The following SYBU variants were observed in gnomAD, a reference collection of about 807,000 sequenced individuals.
The protein encoded by SYBU is GOLSYN A protein.
SYBU carries 21 observed loss-of-function variants against 35.9 expected under a neutral mutation model. The ratio of observed to expected loss-of-function variants is 0.58; its 90% CI spans 0.41 to 0.84. SYBU has a LOEUF of 0.84. Ranked by LOEUF, SYBU falls within the 40% of genes least tolerant of loss-of-function variation. The pLI, the probability that SYBU is intolerant of heterozygous loss-of-function variation, is 0.00. For missense variants in SYBU, 768 were observed against 848.2 expected, an observed-to-expected ratio of 0.91 and a Z score of 1.17; for synonymous variants, 319 against 324.3, an observed-to-expected ratio of 0.98 and a Z score of 0.18.
chr8:109,632,978 T>G (rs1813810005), intron 2 of SYBU, among the ~76,000 whole-genome samples: 1 of 152,200 alleles, frequency 6.6e-6, no homozygotes, highest in Non-Finnish European at 1.5e-5. Flanking sequence ...ACACAATAAG[T>G]ATTCAATAAA....
intron 1 of SYBU, among the ~76,000 whole-genome samples, chr8:109,665,614 A>C (rs142662210): frequency 1.3e-5 from 2 of 152,242 alleles, no homozygotes; most frequent in Non-Finnish European, 2.9e-5. Flanking sequence ...ATTTAAATGA[A>C]TGACCATGAA....
At chr8:109,689,966 T>G (rs1246117874) in intron 1 of SYBU, among the ~76,000 whole-genome samples, 1 of 152,132 alleles carries the variant, frequency 6.6e-6, no homozygotes, top group Non-Finnish European at 1.5e-5. Flanking sequence ...GGACCCATTT[T>G]TTGTTTTTTT....
At chr8:109,590,767 GA>G (rs10691264) in intron 3 of SYBU, among the ~76,000 whole-genome samples, 10,397 of 121,992 alleles carry the variant, frequency 0.085, 459 homozygotes, top group Admixed American at 0.14. Flanking sequence ...CATAAAATTA[GA>G]AAAAAAAAAA....
chr8:109,583,334 G>C (rs571879162), intron 4 of SYBU, among the ~76,000 whole-genome samples: 1 of 152,140 alleles, frequency 6.6e-6, no homozygotes, highest in South Asian at 2.1e-4. Flanking sequence ...CTCAATCCCA[G>C]GTCTGTCTGA....
chr8:109,618,701 C>T (rs1446488607), intron 3 of SYBU, 141 bp downstream of exon 3: 1 of 780,940 alleles, frequency 1.3e-6, no homozygotes, highest in African/African-American at 1.7e-5. Context: ...ACTTTCCACC[C>T]TGCCTCCTTT....
chr8:109,653,249 T>TAAAC (rs111394413), intron 1 of SYBU, among the ~76,000 whole-genome samples: 18,735 of 152,076 alleles, frequency 0.12, 3,227 homozygotes, highest in African/African-American at 0.39. Context: ...CAAAAAAAAT[T>TAAAC]AAAAGGTATA....
intron 3 of SYBU, among the ~76,000 whole-genome samples, chr8:109,605,389 C>T (rs1243982490): frequency 2.0e-5 from 3 of 152,304 alleles, no homozygotes; most frequent in Middle Eastern, 6.8e-3. Context: ...ACATATTCAG[C>T]ATGTATGAAC....
chr8:109,602,536 T>A (rs1825656400), intron 3 of SYBU, among the ~76,000 whole-genome samples: 1 of 150,690 alleles, frequency 6.6e-6, no homozygotes, highest in African/African-American at 2.5e-5. Flanking sequence ...TGGGCTCAGG[T>A]GATCCTTCTG....
intron 2 of SYBU, among the ~76,000 whole-genome samples, chr8:109,636,426 T>C (rs1463681597): frequency 6.6e-6 from 1 of 152,256 alleles, no homozygotes; most frequent in East Asian, 1.9e-4. Context: ...TATTTCAGTG[T>C]CAGGGTTAAG....
chr8:109,644,232 G>T, intron 1 of SYBU: 1 of 479,376 alleles, frequency 2.1e-6, no homozygotes, highest in South Asian at 1.5e-5. Context: ...GGTACCATGC[G>T]CCAGCCACTC....
At chr8:109,579,470 G>C (rs1306793894) in intron 5 of SYBU, among the ~76,000 whole-genome samples, 1 of 152,096 alleles carries the variant, frequency 6.6e-6, no homozygotes, top group African/African-American at 2.4e-5. Flanking sequence ...TGTTGCCCAG[G>C]CTGGAGTTCA....
At position 109,586,137 on chromosome 8, in the gene SYBU, CGAG is replaced by C; in HGVS notation, c.450_452del (p.Ser153del). On this transcript the variant is annotated inframe_deletion, in exon 4 of 7. Coordinates refer to ENST00000276646, the MANE Select transcript of SYBU (RefSeq NM_001099754.2). ...GAGCGGAAATGCTGCCTGTGCTGCTCGAGGAGCTAAAATCAGCTTCACTACCTG... is the reference window on the plus strand; with the variant it reads ...GAGCGGAAATGCTGCCTGTGCTGCTCGAGCTAAAATCAGCTTCACTACCTG... 2 of 1,609,864 alleles carry C rather than the reference CGAG, an allele frequency of 1.2e-6. No individual in the cohort carries two copies. Among genetic ancestry groups the C allele is most frequent in the Non-Finnish European group, 1.7e-6 (2 of 1,178,482 alleles).
chr8:109,690,010 T>C (rs1344610469), intron 1 of SYBU, among the ~76,000 whole-genome samples: 2 of 152,044 alleles, frequency 1.3e-5, no homozygotes, highest in Non-Finnish European at 2.9e-5. Flanking sequence ...ATGCATACAA[T>C]TACTTAGTTT....
At chr8:109,659,902 T>C (rs190063510) in intron 1 of SYBU, among the ~76,000 whole-genome samples, 13 of 152,278 alleles carry the variant, frequency 8.5e-5, no homozygotes, top group African/African-American at 2.9e-4. Context: ...GACCAGATCC[T>C]AAGTAAATTT....
intron 1 of SYBU, among the ~76,000 whole-genome samples, chr8:109,652,594 C>A (rs1053921179): frequency 4.6e-5 from 7 of 152,148 alleles, no homozygotes; most frequent in South Asian, 2.1e-4. Context: ...CAATAGTTGA[C>A]ATTTTAAGAA....
intron 2 of SYBU, among the ~76,000 whole-genome samples, chr8:109,627,172 G>A (rs1472155247): frequency 1.3e-5 from 2 of 152,122 alleles, no homozygotes; most frequent in Non-Finnish European, 1.5e-5. Flanking sequence ...GTTATTGCTA[G>A]TTTAAAGAAA....
chr8:109,690,642 G>A (rs557903412), intron 1 of SYBU, among the ~76,000 whole-genome samples: 4 of 152,048 alleles, frequency 2.6e-5, no homozygotes, highest in African/African-American at 9.7e-5. Context: ...CATTTAAAAA[G>A]CTTTCAGAAT....
intron 1 of SYBU, among the ~76,000 whole-genome samples, chr8:109,690,089 C>A (rs1177938372): frequency 6.6e-6 from 1 of 152,008 alleles, no homozygotes; most frequent in Non-Finnish European, 1.5e-5. Flanking sequence ...TAAATATGTA[C>A]AGATCATTAT....
At position 109,691,349 on chromosome 8, in the gene SYBU, G is replaced by A. The variant is rs779279839; in HGVS notation, c.-74C>T. On this transcript the variant is annotated 5_prime_UTR_variant, in exon 1 of 8. Transcript: ENST00000422135. The surrounding 1 kb of genome is among the most constrained non-coding windows in gnomAD (Gnocchi z 4.7). ...CGGTCTTACCCTTTCTCGCCCAGAAGGGCCCCATCGCGCTGTCCAGGAGGA... is the reference window on the plus strand; with the variant it reads ...CGGTCTTACCCTTTCTCGCCCAGAAAGGCCCCATCGCGCTGTCCAGGAGGA... 28 of 701,796 alleles carry A rather than the reference G, an allele frequency of 4.0e-5. No homozygotes were observed. Among genetic ancestry groups the A allele is most frequent in the Non-Finnish European group, 7.0e-5 (27 of 384,634 alleles). The allele number at this position is 701,796 out of a possible 1,614,324, so 43.5% of individuals were successfully genotyped here.
Sources: allele counts gnomAD v4.1 joint callset (sites outside exome capture counted in the v4.1 genomes callset), GRCh38; gene constraint gnomAD v4.1.1; non-coding constraint Gnocchi (gnomAD v3.1); transcripts MANE v1.5; gene names NCBI Gene and HGNC (gene_info 2026-07-23, HGNC 2026-07-21).